The following KSR2 variants were observed in gnomAD, a reference collection of about 807,000 sequenced individuals.
KSR2 encodes the protein kinase suppressor of ras 2.
In KSR2, 25 loss-of-function variants were observed where a neutral mutation model predicts 107.8. That is an observed-to-expected ratio of 0.23 (90% CI 0.17 to 0.32). KSR2 has a LOEUF of 0.32. Among genes scored for constraint, KSR2 ranks in the 10% least tolerant of loss-of-function variants. The probability of loss-of-function intolerance (pLI) is 1.00; values close to 1 mark genes in which losing one functional copy is unlikely to be tolerated. For missense variants in KSR2, 887 were observed against 1,268.9 expected, an observed-to-expected ratio of 0.70 and a Z score of 4.57; for synonymous variants, 480 against 507.0, an observed-to-expected ratio of 0.95 and a Z score of 0.71.
intron 4 of KSR2, among the ~76,000 whole-genome samples, chr12:117,669,360 C>T (rs761369839): frequency 5.9e-5 from 9 of 152,238 alleles, no homozygotes; most frequent in Admixed American, 2.0e-4. Flanking sequence ...AGAATAACTA[C>T]GCCCTCAAGA....
At chr12:117,934,808 T>C (rs1265769173) in intron 1 of KSR2, among the ~76,000 whole-genome samples, 1 of 151,886 alleles carries the variant, frequency 6.6e-6, no homozygotes, top group Admixed American at 6.6e-5. Context: ...ACAGTCGTCT[T>C]CTTCTTCTAT....
At chr12:117,810,775 T>C (rs1050952668) in intron 3 of KSR2, among the ~76,000 whole-genome samples, 10 of 152,188 alleles carry the variant, frequency 6.6e-5, no homozygotes, top group Non-Finnish European at 1.3e-4. Flanking sequence ...CTTGTCTTTG[T>C]TTTGTTTTGT....
intron 5 of KSR2, among the ~76,000 whole-genome samples, chr12:117,583,405 GTGGATGGATGGA>G (rs369518226): frequency 0.036 from 4,637 of 127,086 alleles, 147 homozygotes; most frequent in African/African-American, 0.07. Flanking sequence ...GGGTGAGTGA[GTGGATGGATGGA>G]TGGATGGATG....
At chr12:117,535,245 G>A (rs1875958224) in intron 10 of KSR2, among the ~76,000 whole-genome samples, 1 of 152,212 alleles carries the variant, frequency 6.6e-6, no homozygotes, top group Non-Finnish European at 1.5e-5. Flanking sequence ...GGCAGTGCAT[G>A]AAATTCAGGT....
intron 1 of KSR2, among the ~76,000 whole-genome samples, chr12:117,955,983 G>C (rs999330187): frequency 6.6e-6 from 1 of 151,818 alleles, no homozygotes; most frequent in East Asian, 1.9e-4. Flanking sequence ...AGGCGCAGTG[G>C]TTCACGCCTG....
At chr12:117,655,177 C>G (rs1884090963) in intron 5 of KSR2, among the ~76,000 whole-genome samples, 1 of 152,238 alleles carries the variant, frequency 6.6e-6, no homozygotes, top group Non-Finnish European at 1.5e-5. Context: ...TTTGCCTCTC[C>G]TGCACACAAT....
chr12:117,759,115 T>C (rs1461295732), intron 4 of KSR2, among the ~76,000 whole-genome samples: 1 of 152,210 alleles, frequency 6.6e-6, no homozygotes, highest in Admixed American at 6.5e-5. Flanking sequence ...AGGTTTCACA[T>C]AGCAGCTTAA....
intron 5 of KSR2, among the ~76,000 whole-genome samples, chr12:117,604,951 A>G (rs1881147188): frequency 1.3e-5 from 2 of 152,252 alleles, no homozygotes; most frequent in South Asian, 2.1e-4. Context: ...AGATTTTTAT[A>G]TAAAATTTCT....
intron 7 of KSR2, among the ~76,000 whole-genome samples, chr12:117,569,423 G>A (rs772678207): frequency 6.6e-6 from 1 of 152,142 alleles, no homozygotes; most frequent in Non-Finnish European, 1.5e-5. Flanking sequence ...AGCCACTGCA[G>A]GCAGGAGGAA....
At chr12:117,700,656 T>C (rs905234531) in intron 4 of KSR2, among the ~76,000 whole-genome samples, 2 of 152,246 alleles carry the variant, frequency 1.3e-5, no homozygotes, top group Non-Finnish European at 2.9e-5. Context: ...TTCCTGCCTC[T>C]GTATGTGCTT....
chr12:117,595,257 T>G (rs1448793679), intron 5 of KSR2, among the ~76,000 whole-genome samples: 2 of 152,204 alleles, frequency 1.3e-5, no homozygotes, highest in Non-Finnish European at 2.9e-5. Context: ...ATTTATTTAC[T>G]TATTTATTTT....
chr12:117,794,491 C>T (rs1449073254), intron 3 of KSR2, among the ~76,000 whole-genome samples: 1 of 119,114 alleles, frequency 8.4e-6, no homozygotes, highest in African/African-American at 3.2e-5. Flanking sequence ...CACACTCACA[C>T]CAACATGCAC....
intron 2 of KSR2, among the ~76,000 whole-genome samples, chr12:117,859,971 C>G (rs1332164168): frequency 7.2e-5 from 11 of 152,230 alleles, no homozygotes; most frequent in Non-Finnish European, 1.3e-4. Flanking sequence ...GCCGGCAGCA[C>G]AGATAGAAAA....
chr12:117,896,095 A>G (rs115235934), intron 1 of KSR2, among the ~76,000 whole-genome samples: 1,706 of 152,338 alleles, frequency 0.011, 32 homozygotes, highest in African/African-American at 0.037. Flanking sequence ...AGCACTATTT[A>G]TAACAGCCAA....
At chr12:117,705,483 G>C (rs1176026305) in intron 4 of KSR2, among the ~76,000 whole-genome samples, 2 of 152,166 alleles carry the variant, frequency 1.3e-5, no homozygotes, top group African/African-American at 4.8e-5. Flanking sequence ...GCACTGATTG[G>C]GCCCCCAAGG....
intron 3 of KSR2, among the ~76,000 whole-genome samples, chr12:117,794,533 A>C (rs891682012): frequency 7.6e-6 from 1 of 132,188 alleles, no homozygotes; most frequent in African/African-American, 3.1e-5. Context: ...ACATGCACAC[A>C]CAACATGCAC....
At chr12:117,663,817 G>A (rs1213707909) in intron 5 of KSR2, among the ~76,000 whole-genome samples, 1 of 152,130 alleles carries the variant, frequency 6.6e-6, no homozygotes, top group Admixed American at 6.5e-5. Flanking sequence ...TCCATCAGCT[G>A]GGATCAGAGA....
chr12:117,917,739 A>G (rs960489233), intron 1 of KSR2, among the ~76,000 whole-genome samples: 15 of 152,078 alleles, frequency 9.9e-5, no homozygotes, highest in African/African-American at 3.6e-4. Flanking sequence ...ATATATTACA[A>G]TATGGTCAAT....
At chr12:117,733,368 G>A (rs923926170) in intron 4 of KSR2, among the ~76,000 whole-genome samples, 32 of 152,072 alleles carry the variant, frequency 2.1e-4, no homozygotes, top group African/African-American at 7.2e-4. Flanking sequence ...GCCTGAACAC[G>A]TCCCACTCTT....
Sources: gnomAD v4.1 joint callset for allele counts (sites outside exome capture counted in the v4.1 genomes callset) on GRCh38, gnomAD v4.1.1 for gene constraint, MANE v1.5 for transcripts, NCBI Gene and HGNC (gene_info 2026-07-23, HGNC 2026-07-21) for gene names.